Variants in TTLL8 observed in about 807,000 individuals in gnomAD.
TTLL8 encodes the protein protein monoglycylase TTLL8.
A neutral mutation model predicts 77.8 loss-of-function variants in TTLL8; 65 were observed. That is an observed-to-expected ratio of 0.84 (90% CI 0.68 to 1.03). TTLL8 has a LOEUF of 1.03. Ranked by LOEUF, TTLL8 falls within the 50% of genes least tolerant of loss-of-function variation. TTLL8 has a pLI of 0.00. For synonymous variants in TTLL8, 402 were observed against 422.8 expected (o/e 0.95, Z 0.60); for missense variants, 910 against 1,004.5 (o/e 0.91, Z 1.27).
chr22:50,038,010 T>C (rs796976041), intron 8 of TTLL8, among the ~76,000 whole-genome samples: 1 of 150,948 alleles, frequency 6.6e-6, no homozygotes, highest in Non-Finnish European at 1.5e-5. Context: ...TAACATGTTA[T>C]ACACACACAC....
rs781605733 is a variant in TTLL8 at position 50,049,246 on chromosome 22, TAC to T, written c.264+1_264+2del. The T allele has an allele frequency of 1.3e-5, 18 of 1,367,558 alleles. No homozygotes were observed. In the South Asian group the frequency reaches 2.0e-4, roughly 16 times the overall value. The allele number at this position is 1,367,558 out of a possible 1,614,324, so 84.7% of individuals were successfully genotyped here. A position where few individuals can be genotyped will look rare whatever the true frequency, so the allele number is the denominator to read the frequency against. ...CTGACCATGACGCATGCAGGGGACG[TAC>T]CATCACGTCGTGGATGTTGTCTGTT... On this transcript the variant is annotated splice_donor_variant, in intron 3 of 13. Transcript: ENST00000266182. LOFTEE classifies it high-confidence loss of function.
In TTLL8 at chr22:50,031,807, G is replaced by A. The variant is rs1444291204; in HGVS notation, c.1586C>T (p.Pro529Leu). The A allele has an allele frequency of 2.2e-6, 3 of 1,366,980 alleles. No individual in the cohort carries two copies. In the East Asian group the frequency reaches 1.4e-4, roughly 62 times the overall value. 84.7% of individuals were successfully genotyped at this position (1,366,980 alleles called of 1,614,324 possible). A position where few individuals can be genotyped will look rare whatever the true frequency, so the allele number is the denominator to read the frequency against. ...GACCGGCGTGGACGGGTGCATGGTGGGGCTGGAATTGATCTCGATCAGCCA... is the reference window on the plus strand; with the variant it reads ...GACCGGCGTGGACGGGTGCATGGTGAGGCTGGAATTGATCTCGATCAGCCA... Residue 529 changes from proline to leucine, a missense_variant, in exon 11 of 14, where the codon CCC (proline) becomes CTC (leucine). Pro to Leu is a moderately conservative substitution (Grantham distance 98). Around this residue, in one of 2 missense-constraint regions of TTLL8, gnomAD observed 776 missense variants for 926.1 expected, o/e 0.84. Coordinates refer to ENST00000266182, the Ensembl canonical transcript of TTLL8.
In TTLL8 at chr22:50,041,405, C is replaced by A; in HGVS notation, c.831-128G>T. 1 of 983,086 alleles carries A rather than the reference C, an allele frequency of 1.0e-6. No individual in the cohort carries two copies. The highest frequency in any genetic ancestry group is 1.4e-6 in the Non-Finnish European group (1 of 716,524). 60.9% of individuals were successfully genotyped at this position (983,086 alleles called of 1,614,324 possible). ...AGACACCCCAATACCCAACAAGTATCCCAGACATCCAGACAGACACCACAA... is the reference window on the plus strand; with the variant it reads ...AGACACCCCAATACCCAACAAGTATACCAGACATCCAGACAGACACCACAA... On this transcript the variant is annotated intron_variant, in intron 7 of 13. Coordinates refer to ENST00000266182, the Ensembl canonical transcript of TTLL8. The surrounding 1 kb of genome is among the most constrained non-coding windows in gnomAD (Gnocchi z 4.3).
At chr22:50,027,591 T>A in intron 12 of TTLL8, 1 of 954,764 alleles carries the variant, frequency 1.0e-6, no homozygotes, top group Non-Finnish European at 1.2e-6. Context: ...TTCAAGGTGA[T>A]CCCAGTCAAA....
At chr22:50,047,914 A>G (rs926641615) in intron 3 of TTLL8, among the ~76,000 whole-genome samples, 1 of 152,186 alleles carries the variant, frequency 6.6e-6, no homozygotes, top group Admixed American at 6.5e-5. Flanking sequence ...CCTGACCAAC[A>G]TGGTGAAACT....
chr22:50,023,592 G>A (rs2061216269), intron 12 of TTLL8, among the ~76,000 whole-genome samples: 1 of 152,176 alleles, frequency 6.6e-6, no homozygotes, highest in Non-Finnish European at 1.5e-5. Context: ...GGCTGAGGCA[G>A]GATAATCGCT....
chr22:50,045,531 C>G lies in TTLL8; in HGVS notation c.509-142G>C, dbSNP rs371910782. ...GGGCCCAGGCCTGCTCCCACACCCC[C>G]AGTCTGCCTGCCCTTCTCCCTGCAG... is the stretch of plus-strand genomic sequence containing the variant. On this transcript the variant is annotated intron_variant, in intron 5 of 13. Coordinates refer to ENST00000266182, the Ensembl canonical transcript of TTLL8. The G allele has an allele frequency of 2.1e-4, 155 of 725,780 alleles. No homozygotes were observed. The East Asian group carries it at 6.1e-3, about 29-fold the overall frequency. 45.0% of individuals were successfully genotyped at this position (725,780 alleles called of 1,614,324 possible). A position where few individuals can be genotyped will look rare whatever the true frequency, so the allele number is the denominator to read the frequency against.
exon 2 of TTLL8, chr22:50,050,157 A>C: frequency 7.3e-7 from 1 of 1,367,172 alleles, no homozygotes; most frequent in Non-Finnish European, 9.8e-7. Context: ...ACCTTGGGCA[A>C]AAAGTGGAAC....
rs772749021 is a variant in TTLL8, at chr22:50,034,376, C to T, written c.1008G>A (p.Ala336=). The change falls in exon 9 of 14, where the codon GCG becomes GCA. Residue 336 remains alanine (A), a synonymous_variant. Coordinates refer to ENST00000266182, the Ensembl canonical transcript of TTLL8. The surrounding 1 kb of genome is among the most constrained non-coding windows in gnomAD (Gnocchi z 4.1). ...ACTCACCTCGGCCCCGGGACTTGGC[C>T]GCGGGCTTTATAATCCAGATGTTCC... 17 of 1,366,834 alleles carry T rather than the reference C, an allele frequency of 1.2e-5. No individual in the cohort carries two copies. The highest frequency in any genetic ancestry group is 1.5e-5 in the Non-Finnish European group (15 of 1,021,810). The allele number at this position is 1,366,834 out of a possible 1,614,324, so 84.7% of individuals were successfully genotyped here. A position where few individuals can be genotyped will look rare whatever the true frequency, so the allele number is the denominator to read the frequency against.
At chr22:50,048,539 C>T (rs575791484) in intron 3 of TTLL8, among the ~76,000 whole-genome samples, 3 of 152,150 alleles carry the variant, frequency 2.0e-5, no homozygotes, top group African/African-American at 7.2e-5. Flanking sequence ...GAGGAATGTT[C>T]TGATGTGTCC....
In TTLL8 at chr22:50,034,356, C is replaced by T. The variant is rs1233111918; in HGVS notation, c.1028G>A (p.Gly343Asp). 2 of 1,365,840 alleles carry T rather than the reference C, an allele frequency of 1.5e-6. No homozygotes were observed. The highest frequency in any genetic ancestry group is 4.5e-5 in the East Asian group (1 of 21,994). The allele number at this position is 1,365,840 out of a possible 1,614,324, so 84.6% of individuals were successfully genotyped here. A position where few individuals can be genotyped will look rare whatever the true frequency, so the allele number is the denominator to read the frequency against. The stretch of plus-strand genomic sequence containing the variant: ...GGGAGCATCCGCACCAGGGGACTCA[C>T]CTCGGCCCCGGGACTTGGCCGCGGG... The change falls in exon 9 of 14, where the codon GGT becomes GAT. Residue 343 changes from glycine to aspartate, a missense_variant. Physicochemically the swap from Gly to Asp is moderately conservative, Grantham distance 94. Coordinates refer to ENST00000266182, the Ensembl canonical transcript of TTLL8. The surrounding 1 kb of genome is among the most constrained non-coding windows in gnomAD (Gnocchi z 4.1).
At chr22:50,042,044 G>A (rs138461957) in intron 6 of TTLL8, among the ~76,000 whole-genome samples, 9 of 152,134 alleles carry the variant, frequency 5.9e-5, no homozygotes, top group African/African-American at 1.2e-4. Context: ...CCTCCTGAAC[G>A]GTCCCAACCT....
At chr22:50,051,427 G>A (rs374468299) in intron 1 of TTLL8, among the ~76,000 whole-genome samples, 29 of 152,260 alleles carry the variant, frequency 1.9e-4, no homozygotes, top group South Asian at 6.2e-4. Flanking sequence ...TTCTTTATCC[G>A]CTCGTTGGTT....
intron 6 of TTLL8, among the ~76,000 whole-genome samples, chr22:50,042,591 TTCTGTATCTACAAG>T (rs1282173983): frequency 6.6e-6 from 1 of 152,180 alleles, no homozygotes; most frequent in African/African-American, 2.4e-5. Flanking sequence ...GGACTAGCAA[TTCTGTATCTACAAG>T]TTTTTTCTAT....
At chr22:50,047,332 T>G in intron 3 of TTLL8, 36 bp from the exon 6 acceptor site, 3 of 1,363,100 alleles carry the variant, frequency 2.2e-6, no homozygotes, top group Non-Finnish European at 2.9e-6. Flanking sequence ...TGCCCAGCAT[T>G]CAAGGTTCAC....
rs1601919351 is a variant in TTLL8, at chr22:50,034,687, C to A, written c.922-225G>T. ...GAAAACACAGCCCTGTGAGGCTGCT[C>A]CAGACGAGGGCTGTGTTAAGACAGT... On this transcript the variant is annotated intron_variant, in intron 8 of 13. Transcript: ENST00000266182. This position sits in a 1 kb window ranked among gnomAD's most constrained non-coding sequence, Gnocchi z 4.1. 3.3e-5 allele frequency among the ~76,000 whole-genome samples: 5 copies of A among 152,160 alleles called. No homozygotes were observed. The South Asian group carries it at 1.0e-3, about 31-fold the overall frequency.
At position 50,030,752 on chromosome 22, in the gene TTLL8, C is replaced by CT. The variant is rs1569223200; in HGVS notation, c.1880dup (p.Pro629ThrfsTer?). On this transcript the variant is annotated frameshift_variant, in exon 12 of 14. Transcript: ENST00000266182. LOFTEE classifies it high-confidence loss of function. The stretch of plus-strand genomic sequence containing the variant: ...GCTGGAGAGCTGGTGATGGGGGTCC[C>CT]TGGGCAGGGTCTGGCATGGCCGAGG... 7.5e-7 allele frequency: 1 copy of CT among 1,333,750 alleles called. No homozygotes were observed. Among genetic ancestry groups the CT allele is most frequent in the East Asian group, 4.8e-5 (1 of 20,956 alleles). 82.6% of individuals were successfully genotyped at this position (1,333,750 alleles called of 1,614,324 possible). A position where few individuals can be genotyped will look rare whatever the true frequency, so the allele number is the denominator to read the frequency against.
upstream of TTLL8, among the ~76,000 whole-genome samples, chr22:50,057,910 C>T (rs1296202245): frequency 6.7e-6 from 1 of 150,368 alleles, no homozygotes; most frequent in Admixed American, 6.6e-5. Context: ...CTTTCGAGGG[C>T]GGGCGAGTGG....
In TTLL8 at chr22:50,044,186, C is replaced by T. The variant is rs1297627980; in HGVS notation, c.643+1069G>A. ...CTAAAAATACAAAACATTAGCCGGG[C>T]GTGGTGGTGGGCACCCAACTACTCG... On this transcript the variant is annotated intron_variant, in intron 6 of 13. Coordinates refer to ENST00000266182, the Ensembl canonical transcript of TTLL8. This position sits in a 1 kb window ranked among gnomAD's most constrained non-coding sequence, Gnocchi z 4.2. Among the ~76,000 whole-genome samples, 1 of 151,992 alleles carries T rather than the reference C, an allele frequency of 6.6e-6. No homozygotes were observed. Among genetic ancestry groups the T allele is most frequent in the Non-Finnish European group, 1.5e-5 (1 of 68,002 alleles).
Sources: allele counts gnomAD v4.1 joint callset (sites outside exome capture counted in the v4.1 genomes callset), GRCh38; gene constraint gnomAD v4.1.1; regional missense constraint gnomAD v4.1.1; non-coding constraint Gnocchi (gnomAD v3.1); transcripts MANE v1.5; gene names NCBI Gene and HGNC (gene_info 2026-07-23, HGNC 2026-07-21).